Variants in MTUS2 observed in about 807,000 individuals in gnomAD.
MTUS2 encodes microtubule-associated tumor suppressor candidate 2.
MTUS2 carries 40 observed loss-of-function variants against 114.1 expected under a neutral mutation model. That is an observed-to-expected ratio of 0.35 (90% CI 0.27 to 0.46). MTUS2 has a LOEUF of 0.46. Ranked by LOEUF, MTUS2 falls within the 20% of genes least tolerant of loss-of-function variation. MTUS2 has a pLI of 1.00. For synonymous variants in MTUS2, 688 were observed against 672.0 expected (o/e 1.02, Z -0.37); for missense variants, 1,679 against 1,705.4 (o/e 0.98, Z 0.27).
intron 8 of MTUS2, among the ~76,000 whole-genome samples, chr13:29,388,281 G>T (rs556305031): frequency 2.0e-5 from 3 of 152,078 alleles, no homozygotes; most frequent in Admixed American, 1.3e-4. Flanking sequence ...AAATAAAGAT[G>T]GAGTCGGGGA....
chr13:28,885,045 A>G (rs748699091), intron 2 of MTUS2, among the ~76,000 whole-genome samples: 3 of 152,186 alleles, frequency 2.0e-5, no homozygotes, highest in South Asian at 4.1e-4. Flanking sequence ...TTTATCATCA[A>G]TCATTTTGAC....
intron 6 of MTUS2, among the ~76,000 whole-genome samples, chr13:29,305,626 G>A (rs771674592): frequency 6.6e-6 from 1 of 152,110 alleles, no homozygotes; most frequent in Non-Finnish European, 1.5e-5. Context: ...AACAAGTTCT[G>A]AAACTGAGGC....
chr13:29,356,620 C>G (rs756891432), intron 7 of MTUS2, among the ~76,000 whole-genome samples: 2 of 152,142 alleles, frequency 1.3e-5, no homozygotes, highest in African/African-American at 2.4e-5. Flanking sequence ...GAAGTAGTAA[C>G]AAAGATTGAC....
intron 4 of MTUS2, among the ~76,000 whole-genome samples, chr13:29,058,205 ATT>A (rs149316720): frequency 7.2e-6 from 1 of 138,884 alleles, no homozygotes. Flanking sequence ...TGCCTTTAAC[ATT>A]TTTTTTTTTT....
chr13:28,844,413 G>A (rs1475058951), intron 2 of MTUS2, among the ~76,000 whole-genome samples: 1 of 152,144 alleles, frequency 6.6e-6, no homozygotes, highest in Non-Finnish European at 1.5e-5. Flanking sequence ...GTGTGTGTGT[G>A]TGCGCGCATG....
At chr13:29,091,103 TG>T (rs1889925687) in intron 4 of MTUS2, among the ~76,000 whole-genome samples, 2 of 152,206 alleles carry the variant, frequency 1.3e-5, no homozygotes, top group East Asian at 3.9e-4. Context: ...CCCCAGGGTC[TG>T]TATCCTTCCT....
intron 2 of MTUS2, among the ~76,000 whole-genome samples, chr13:28,917,647 A>AT (rs1880820553): frequency 6.6e-6 from 1 of 150,594 alleles, no homozygotes; most frequent in Non-Finnish European, 1.5e-5. Context: ...AAATTTGTCA[A>AT]TTTTATTTAT....
chr13:29,063,726 A>G (rs1565987656), intron 4 of MTUS2, among the ~76,000 whole-genome samples: 3 of 152,216 alleles, frequency 2.0e-5, no homozygotes, highest in South Asian at 2.1e-4. Context: ...GGCAGCCATG[A>G]TAATGTTAGA....
intron 5 of MTUS2, among the ~76,000 whole-genome samples, chr13:29,121,708 G>A (rs1227964729): frequency 1.3e-5 from 2 of 151,512 alleles, no homozygotes; most frequent in Non-Finnish European, 1.5e-5. Flanking sequence ...CCTGGCTGGA[G>A]CGCAATGGCA....
intron 4 of MTUS2, among the ~76,000 whole-genome samples, chr13:29,047,205 C>T (rs189614209): frequency 4.6e-5 from 7 of 152,310 alleles, no homozygotes; most frequent in East Asian, 1.9e-4. Context: ...AGAAATTATA[C>T]AACTTCTCTC....
intron 6 of MTUS2, among the ~76,000 whole-genome samples, chr13:29,311,712 A>G (rs1207472864): frequency 6.6e-6 from 1 of 152,190 alleles, no homozygotes; most frequent in African/African-American, 2.4e-5. Flanking sequence ...CATATTGTTT[A>G]CTTTCTATTT....
chr13:29,221,914 A>G (rs941990137), intron 5 of MTUS2, among the ~76,000 whole-genome samples: 8 of 152,054 alleles, frequency 5.3e-5, no homozygotes, highest in African/African-American at 1.9e-4. Context: ...ACTGATTTTT[A>G]TGGATACCAT....
At position 29,180,818 on chromosome 13, in the gene MTUS2, G is replaced by A. The variant is rs17072929; in HGVS notation, c.2644+79848G>A. On this transcript the variant is annotated intron_variant, in intron 5 of 15. Transcript: ENST00000612955. ...GCCTATGAGAGGGTTGTCCGGGGTA[G>A]CCTTTGGCCTCATCAGCACACTCAT... 1.2e-3 allele frequency among the ~76,000 whole-genome samples: 184 copies of A among 152,232 alleles called. 2 individuals are homozygous for A. In the East Asian group the frequency reaches 0.027, roughly 22 times the overall value.
In MTUS2 at chr13:29,061,337, G is replaced by A. The variant is rs1177417097; in HGVS notation, c.2446+27212G>A. On this transcript the variant is annotated intron_variant, in intron 4 of 15. Transcript: ENST00000612955. ...TGAGTACCTGTGTATTCAACAAGAT[G>A]TCTCCATTTTGGCTGTAGTGAAGTG... is the stretch of plus-strand genomic sequence containing the variant. 3.9e-5 allele frequency among the ~76,000 whole-genome samples: 6 copies of A among 152,134 alleles called. No individual in the cohort carries two copies. The South Asian group carries it at 6.2e-4, about 16-fold the overall frequency.
intron 6 of MTUS2, among the ~76,000 whole-genome samples, chr13:29,302,123 A>G (rs571592465): frequency 2.0e-5 from 3 of 152,350 alleles, no homozygotes; most frequent in Admixed American, 2.0e-4. Context: ...GAGGAATGAA[A>G]AGGGGCAAGT....
chr13:28,866,074 G>A (rs1877280021), intron 2 of MTUS2, among the ~76,000 whole-genome samples: 1 of 152,158 alleles, frequency 6.6e-6, no homozygotes, highest in African/African-American at 2.4e-5. Context: ...CACTGATGCT[G>A]TATTTAAATT....
At chr13:29,082,330 C>CT (rs201475909) in intron 4 of MTUS2, among the ~76,000 whole-genome samples, 2,292 of 152,334 alleles carry the variant, frequency 0.015, 36 homozygotes, top group Non-Finnish European at 0.025. Context: ...CCTGAGCTGA[C>CT]TAAGATAGGT....
chr13:29,310,989 G>C (rs1169124082), intron 6 of MTUS2, among the ~76,000 whole-genome samples: 1 of 152,182 alleles, frequency 6.6e-6, no homozygotes, highest in African/African-American at 2.4e-5. Flanking sequence ...AACTTTCATT[G>C]ATGTTAGAAT....
chr13:28,876,374 T>G (rs550993606), intron 2 of MTUS2, among the ~76,000 whole-genome samples: 2 of 152,276 alleles, frequency 1.3e-5, no homozygotes, highest in East Asian at 3.9e-4. Flanking sequence ...TTGGCACACA[T>G]AAATATGGAC....
Sources: allele counts gnomAD v4.1 joint callset (sites outside exome capture counted in the v4.1 genomes callset), GRCh38; gene constraint gnomAD v4.1.1; transcripts MANE v1.5; gene names NCBI Gene and HGNC (gene_info 2026-07-23, HGNC 2026-07-21).